ASAP2: variants seen among roughly 807,000 people sequenced by gnomAD.
ASAP2 encodes the protein arf-GAP with SH3 domain, ANK repeat and PH domain-containing protein 2.
ASAP2 carries 45 observed loss-of-function variants against 131.4 expected under a neutral mutation model. That is an observed-to-expected ratio of 0.34 (90% confidence interval 0.27 to 0.44). ASAP2 has a LOEUF of 0.44. ASAP2 is among the 20% of genes least tolerant of loss of function. The pLI, the probability that ASAP2 is intolerant of heterozygous loss-of-function variation, is 1.00. For synonymous variants in ASAP2, 510 were observed against 503.0 expected, an observed-to-expected ratio of 1.01 and a Z score of -0.19; for missense variants, 1,011 against 1,297.0, an observed-to-expected ratio of 0.78 and a Z score of 3.39.
At chr2:9,381,344 T>C (rs910738614) in intron 20 of ASAP2, among the ~76,000 whole-genome samples, 12 of 152,238 alleles carry the variant, frequency 7.9e-5, no homozygotes, top group Non-Finnish European at 2.9e-5. Flanking sequence ...TTAGGCTGTT[T>C]CCTTATTTCT....
chr2:9,385,265 A>T lies in ASAP2; in HGVS notation c.2037A>T (p.Gly679=). The part of the protein sequence containing the change: ...CEELLTQALS[G]RFNSHVHVEY... ...CTCAGCTGACCCAAGCCTTATCTGG[A>T]AGATTTAATTCTCACGTTCACGTTG... Residue 679 remains glycine, a synonymous_variant, in exon 21 of 28, where the codon GGA becomes GGT. Transcript: ENST00000281419. The T allele has an allele frequency of 6.2e-7, 1 of 1,614,080 alleles. No individual in the cohort carries two copies.
intron 9 of ASAP2, among the ~76,000 whole-genome samples, chr2:9,337,412 C>T (rs1346823831): frequency 6.6e-6 from 1 of 152,160 alleles, no homozygotes; most frequent in African/African-American, 2.4e-5. Context: ...CTCAAATTTG[C>T]AATAAGAATT....
intron 2 of ASAP2, among the ~76,000 whole-genome samples, chr2:9,291,792 TA>T (rs1667827706): frequency 6.6e-6 from 1 of 152,096 alleles, no homozygotes; most frequent in Admixed American, 6.5e-5. Context: ...TGGGGCTGGG[TA>T]GCCATAAGGC....
At chr2:9,273,532 G>A (rs971543490) in intron 1 of ASAP2, among the ~76,000 whole-genome samples, 2 of 152,222 alleles carry the variant, frequency 1.3e-5, no homozygotes, top group African/African-American at 2.4e-5. Context: ...AGAGCCAGCT[G>A]TGCAGGAAAC....
At chr2:9,371,636 G>A (rs543753725) in intron 16 of ASAP2, among the ~76,000 whole-genome samples, 52 of 152,126 alleles carry the variant, frequency 3.4e-4, no homozygotes, top group Non-Finnish European at 6.2e-4. Flanking sequence ...TGTCAGGGAC[G>A]TGTAACTGGG....
chr2:9,252,880 C>T (rs1664819080), intron 1 of ASAP2, among the ~76,000 whole-genome samples: 1 of 147,034 alleles, frequency 6.8e-6, no homozygotes. Flanking sequence ...CGCGCCACTG[C>T]ACTCCAGCCT....
At chr2:9,344,221 G>A (rs1671795320) in intron 9 of ASAP2, among the ~76,000 whole-genome samples, 1 of 152,234 alleles carries the variant, frequency 6.6e-6, no homozygotes, top group East Asian at 1.9e-4. Flanking sequence ...CGTAGTGGGA[G>A]CCTCATGTCA....
intron 3 of ASAP2, 83 bp from the exon 4 acceptor site, chr2:9,318,441 T>A (rs1263952010): frequency 2.0e-6 from 2 of 1,004,562 alleles, no homozygotes; most frequent in Non-Finnish European, 3.1e-6. Context: ...CATTATCAAA[T>A]GTTCTCTCTA....
chr2:9,248,490 G>A (rs375306615), intron 1 of ASAP2, among the ~76,000 whole-genome samples: 2 of 151,868 alleles, frequency 1.3e-5, no homozygotes, highest in African/African-American at 4.8e-5. Context: ...TCCAGGGTGT[G>A]CCTCTTGTTT....
chr2:9,365,061 C>T (rs1342496009), intron 15 of ASAP2, among the ~76,000 whole-genome samples: 2 of 152,152 alleles, frequency 1.3e-5, no homozygotes, highest in African/African-American at 4.8e-5. Context: ...AAAGCATGTA[C>T]TTACTTACAT....
At chr2:9,283,046 C>A (rs974781124) in intron 2 of ASAP2, among the ~76,000 whole-genome samples, 1 of 152,138 alleles carries the variant, frequency 6.6e-6, no homozygotes, top group Non-Finnish European at 1.5e-5. Context: ...TCAGCGTAGC[C>A]CTCTTTGACT....
At chr2:9,220,739 A>G (rs1662358436) in intron 1 of ASAP2, among the ~76,000 whole-genome samples, 1 of 152,230 alleles carries the variant, frequency 6.6e-6, no homozygotes, top group Non-Finnish European at 1.5e-5. Flanking sequence ...CTTTGGTTGC[A>G]TAATACAGTC....
chr2:9,379,513 C>A (rs1674665213), intron 19 of ASAP2, among the ~76,000 whole-genome samples: 1 of 152,140 alleles, frequency 6.6e-6, no homozygotes, highest in Non-Finnish European at 1.5e-5. Flanking sequence ...CCATGAAGGG[C>A]CCTGGTTGTT....
chr2:9,334,039 CTTTTTTTTTTTTTT>C (rs35495550), intron 7 of ASAP2, among the ~76,000 whole-genome samples: 2 of 53,286 alleles, frequency 3.8e-5, no homozygotes, highest in African/African-American at 7.1e-5. Context: ...TGTCTTTCTC[CTTTTTTTTTTTTTT>C]TTTTTTTTTT....
chr2:9,323,834 C>G (rs1322989883), intron 6 of ASAP2, among the ~76,000 whole-genome samples: 1 of 152,216 alleles, frequency 6.6e-6, no homozygotes, highest in Admixed American at 6.5e-5. Context: ...GAGGCGGAGA[C>G]AGCAGGATGG....
chr2:9,362,140 T>C (rs1372506818), intron 15 of ASAP2, among the ~76,000 whole-genome samples: 1 of 152,214 alleles, frequency 6.6e-6, no homozygotes, highest in Non-Finnish European at 1.5e-5. Flanking sequence ...AGGGAGGCCA[T>C]GCATGGTCTG....
chr2:9,395,594 CTTTTTTTTTTTTTTTTTTTTT>C, intron 24 of ASAP2, among the ~76,000 whole-genome samples: 2 of 59,050 alleles, frequency 3.4e-5, no homozygotes, highest in African/African-American at 5.3e-5. Context: ...TGTTTTTTTT[CTTTTTTTTTTTTTTTTTTTTT>C]TTTTTTTTTT....
At chr2:9,399,969 A>G in intron 24 of ASAP2, 54 bp from the exon 25 acceptor site, 1 of 1,568,676 alleles carries the variant, frequency 6.4e-7, no homozygotes, top group Non-Finnish European at 8.8e-7. Context: ...GGGGATGAGA[A>G]AGGGGCAGGT....
intron 9 of ASAP2, among the ~76,000 whole-genome samples, chr2:9,337,826 A>G (rs1671317009): frequency 6.6e-6 from 1 of 152,214 alleles, no homozygotes; most frequent in Non-Finnish European, 1.5e-5. Context: ...TGCTCTCTGT[A>G]AGGAGAATAC....
Sources: gnomAD v4.1 joint callset for allele counts (sites outside exome capture counted in the v4.1 genomes callset) on GRCh38, gnomAD v4.1.1 for gene constraint, MANE v1.5 for transcripts, NCBI Gene and HGNC (gene_info 2026-07-23, HGNC 2026-07-21) for gene names.